Variants in SGK3 observed in about 807,000 individuals in gnomAD.
SGK3 encodes serine/threonine-protein kinase Sgk3.
SGK3 carries 47 observed loss-of-function variants against 68.5 expected under a neutral mutation model. That is an observed-to-expected ratio of 0.69 (90% confidence interval 0.54 to 0.87). The LOEUF (loss-of-function observed/expected upper bound fraction) is 0.87. SGK3 is among the 40% of genes least tolerant of loss of function. The pLI is 0.00. For missense variants in SGK3, 479 were observed against 575.5 expected (o/e 0.83, Z 1.72); for synonymous variants, 181 against 189.1 (o/e 0.96, Z 0.35).
intron 4 of SGK3, among the ~76,000 whole-genome samples, chr8:66,804,947 C>T (rs1254874156): frequency 6.6e-6 from 1 of 151,976 alleles, no homozygotes; most frequent in Admixed American, 6.5e-5. Context: ...GGCATGGTGG[C>T]GTGCACCTGT....
intron 1 of SGK3, among the ~76,000 whole-genome samples, chr8:66,767,096 C>T (rs1806342748): frequency 6.6e-6 from 1 of 152,226 alleles, no homozygotes; most frequent in South Asian, 2.1e-4. Flanking sequence ...CCGCCTGCCT[C>T]AGCCTCCCAC....
At chr8:66,852,345 G>A (rs929733570) in intron 16 of SGK3, among the ~76,000 whole-genome samples, 9 of 143,934 alleles carry the variant, frequency 6.3e-5, no homozygotes, top group Non-Finnish European at 1.3e-4. Flanking sequence ...GCAGTGGCGC[G>A]ATCTTGGCTC....
At chr8:66,726,817 AAAAAAAG>A (rs963356121) in intron 1 of SGK3, among the ~76,000 whole-genome samples, 2 of 151,246 alleles carry the variant, frequency 1.3e-5, no homozygotes, top group African/African-American at 4.9e-5. Context: ...AAAAAAAAAA[AAAAAAAG>A]ATTTAAAAGC....
intron 1 of SGK3, chr8:66,737,807 G>A (rs1184605182): frequency 6.6e-6 from 1 of 151,784 alleles, no homozygotes; most frequent in Admixed American, 6.6e-5. Flanking sequence ...GTAGAGATGA[G>A]GTTTCATCAT....
chr8:66,825,212 TA>T, intron 6 of SGK3, among the ~76,000 whole-genome samples: 1 of 152,172 alleles, frequency 6.6e-6, no homozygotes, highest in South Asian at 2.1e-4. Context: ...TTTTCATCCA[TA>T]GTGTCTGAAA....
At chr8:66,779,952 A>G (rs940686205) in intron 1 of SGK3, among the ~76,000 whole-genome samples, 1 of 152,098 alleles carries the variant, frequency 6.6e-6, no homozygotes, top group African/African-American at 2.4e-5. Context: ...CTGCATAAGC[A>G]TCTGTGTTTA....
intron 5 of SGK3, among the ~76,000 whole-genome samples, chr8:66,821,392 G>A (rs888606890): frequency 2.6e-5 from 4 of 152,050 alleles, no homozygotes; most frequent in East Asian, 3.9e-4. Context: ...TTCCCTATAG[G>A]CAGTTACCAT....
At chr8:66,717,247 AC>A (rs1195303399) in intron 1 of SGK3, among the ~76,000 whole-genome samples, 1 of 147,880 alleles carries the variant, frequency 6.8e-6, no homozygotes, top group Non-Finnish European at 1.5e-5. Context: ...CAAAAAAAAA[AC>A]GCTGGGCTTG....
chr8:66,730,765 C>T (rs902390022), intron 1 of SGK3, among the ~76,000 whole-genome samples: 1 of 152,092 alleles, frequency 6.6e-6, no homozygotes, highest in African/African-American at 2.4e-5. Flanking sequence ...GCAGCCTCCC[C>T]CTCCCATGTT....
In SGK3 at chr8:66,784,725, T is replaced by C. The variant is rs188647824; in HGVS notation, c.-121-8891T>C. Among the ~76,000 whole-genome samples the C allele has an allele frequency of 6.6e-3, 998 of 152,288 alleles. 8 individuals carry two copies. The highest frequency in any genetic ancestry group is 0.023 in the African/African-American group (956 of 41,550). On this transcript the variant is annotated intron_variant, in intron 1 of 16. Transcript: ENST00000521198. Reference sequence around the variant, plus strand: ...TTTTTAGGAAAAGCTTTAATGTTCATCTATTTTAAGCAATATTTGGATCAG... The same window carrying C: ...TTTTTAGGAAAAGCTTTAATGTTCACCTATTTTAAGCAATATTTGGATCAG...
chr8:66,846,908 C>T (rs946266490), intron 14 of SGK3, among the ~76,000 whole-genome samples: 2 of 152,182 alleles, frequency 1.3e-5, no homozygotes, highest in African/African-American at 4.8e-5. Context: ...TGGTGGTTTT[C>T]TCTAAAACAG....
intron 3 of SGK3, among the ~76,000 whole-genome samples, chr8:66,800,339 T>A (rs1484981154): frequency 2.1e-3 from 288 of 135,124 alleles, no homozygotes; most frequent in African/African-American, 7.3e-3. Flanking sequence ...AGACTCTCTC[T>A]CAAAAAAAAA....
intron 1 of SGK3, among the ~76,000 whole-genome samples, chr8:66,725,681 A>G (rs1804966594): frequency 6.6e-6 from 1 of 152,004 alleles, no homozygotes; most frequent in Non-Finnish European, 1.5e-5. Context: ...TCAAAGGACC[A>G]GTAGTAATTT....
intron 6 of SGK3, among the ~76,000 whole-genome samples, chr8:66,826,182 A>C (rs1049819714): frequency 2.0e-5 from 3 of 152,098 alleles, no homozygotes; most frequent in Non-Finnish European, 4.4e-5. Flanking sequence ...CATATTGGCC[A>C]GGCTGGTCTC....
chr8:66,773,789 C>T (rs937415209), intron 1 of SGK3, among the ~76,000 whole-genome samples: 4 of 152,016 alleles, frequency 2.6e-5, no homozygotes, highest in Non-Finnish European at 4.4e-5. Flanking sequence ...AGTGGGATAG[C>T]GTGAGATTTT....
chr8:66,765,098 A>C (rs1397370927), intron 1 of SGK3, among the ~76,000 whole-genome samples: 1 of 152,230 alleles, frequency 6.6e-6, no homozygotes, highest in Non-Finnish European at 1.5e-5. Flanking sequence ...TTGCTGGGTC[A>C]TACAGAAATA....
intron 3 of SGK3, among the ~76,000 whole-genome samples, chr8:66,801,512 C>T (rs1807944446): frequency 6.6e-6 from 1 of 152,072 alleles, no homozygotes; most frequent in Admixed American, 6.6e-5. Flanking sequence ...CTCTTGAATA[C>T]CCATTATTTG....
Position 66,828,529 on chromosome 8 carries a change from T to C in SGK3, c.418-125T>C. 4 of 1,291,838 alleles carry C rather than the reference T, an allele frequency of 3.1e-6. No homozygotes were observed. In the South Asian group the frequency reaches 4.0e-5, roughly 13 times the overall value. The allele number at this position is 1,291,838 out of a possible 1,614,324, so 80.0% of individuals were successfully genotyped here. On this transcript the variant is annotated intron_variant, in intron 6 of 16. Coordinates refer to ENST00000521198, the MANE Select transcript of SGK3 (RefSeq NM_001033578.3). ...ATACCCTTACTGAGAATCAGGACTT[T>C]GGGTTTCTTTAACATGGCAACAAAC... is the stretch of plus-strand genomic sequence containing the variant.
At chr8:66,766,928 C>T (rs138676759) in intron 1 of SGK3, among the ~76,000 whole-genome samples, 5,088 of 152,240 alleles carry the variant, frequency 0.033, 303 homozygotes, top group African/African-American at 0.11. Context: ...CTCCGCCCAC[C>T]GCAATCTCTG....
Sources: allele counts gnomAD v4.1 joint callset (sites outside exome capture counted in the v4.1 genomes callset), GRCh38; gene constraint gnomAD v4.1.1; transcripts MANE v1.5; gene names NCBI Gene and HGNC (gene_info 2026-07-23, HGNC 2026-07-21).